The following TYR variants were observed in gnomAD, a reference collection of about 807,000 sequenced individuals.
The protein encoded by TYR is LB24-AB.
A neutral mutation model predicts 51.5 loss-of-function variants in TYR; 58 were observed. The observed-to-expected ratio is 1.13, with a 90% CI of 0.91 to 1.40. The LOEUF is 1.40. Among genes scored for constraint, TYR ranks in the 40% most tolerant of loss-of-function variants. The pLI is 0.00. For missense variants in TYR, 732 were observed against 647.4 expected, an observed-to-expected ratio of 1.13 and a Z score of -1.42; for synonymous variants, 263 against 235.2, an observed-to-expected ratio of 1.12 and a Z score of -1.08.
chr11:89,192,621 T>A (rs1032154734), intron 2 of TYR, among the ~76,000 whole-genome samples: 1 of 152,130 alleles, frequency 6.6e-6, no homozygotes, highest in African/African-American at 2.4e-5. Context: ...GGGTCTTACA[T>A]CCAGAATCAA....
At chr11:89,183,891 C>T (rs1943333284) in intron 1 of TYR, among the ~76,000 whole-genome samples, 1 of 152,022 alleles carries the variant, frequency 6.6e-6, no homozygotes, top group Admixed American at 6.6e-5. Context: ...TTACACTTGG[C>T]ACTATGCTAA....
At chr11:89,264,522 C>T (rs1944501175) in intron 3 of TYR, among the ~76,000 whole-genome samples, 1 of 151,450 alleles carries the variant, frequency 6.6e-6, no homozygotes, top group Non-Finnish European at 1.5e-5. Flanking sequence ...CTCTTGAAGA[C>T]CTAAAGATGG....
At chr11:89,187,076 A>T (rs1943384445) in intron 1 of TYR, among the ~76,000 whole-genome samples, 1 of 152,040 alleles carries the variant, frequency 6.6e-6, no homozygotes, top group Admixed American at 6.6e-5. Context: ...GAACTAATCT[A>T]CCCACCTACT....
chr11:89,210,646 A>G (rs888044688), intron 2 of TYR, among the ~76,000 whole-genome samples: 15 of 152,126 alleles, frequency 9.9e-5, no homozygotes, highest in African/African-American at 3.6e-4. Flanking sequence ...GAGAAGAGCA[A>G]CCCCAAGACA....
intron 3 of TYR, among the ~76,000 whole-genome samples, chr11:89,276,896 C>T (rs921749928): frequency 1.3e-5 from 2 of 151,728 alleles, no homozygotes; most frequent in African/African-American, 2.4e-5. Context: ...GTTGGTTGTA[C>T]CGTTAACTGT....
chr11:89,282,282 C>T (rs1340218748), intron 3 of TYR, among the ~76,000 whole-genome samples: 2 of 151,792 alleles, frequency 1.3e-5, no homozygotes, highest in African/African-American at 4.8e-5. Context: ...TAGTGGCTCA[C>T]TGTATATCAG....
intron 3 of TYR, among the ~76,000 whole-genome samples, chr11:89,263,007 T>G (rs1380874726): frequency 6.6e-6 from 1 of 151,780 alleles, no homozygotes; most frequent in Admixed American, 6.6e-5. Flanking sequence ...ACTTACTCTA[T>G]GGGGCCAGTA....
chr11:89,281,177 C>T (rs1944717617), intron 3 of TYR, among the ~76,000 whole-genome samples: 1 of 151,586 alleles, frequency 6.6e-6, no homozygotes, highest in Non-Finnish European at 1.5e-5. Flanking sequence ...TATTTATTTC[C>T]TTGAAACTCT....
intron 3 of TYR, among the ~76,000 whole-genome samples, chr11:89,280,216 G>A (rs1365706102): frequency 3.3e-5 from 5 of 151,536 alleles, no homozygotes; most frequent in Non-Finnish European, 7.4e-5. Flanking sequence ...CCGTTTCTTC[G>A]AGGAACCCCA....
At chr11:89,288,013 T>C (rs996529261) in intron 4 of TYR, among the ~76,000 whole-genome samples, 2 of 151,946 alleles carry the variant, frequency 1.3e-5, no homozygotes, top group African/African-American at 4.8e-5. Flanking sequence ...AATGGTAGTA[T>C]AATTCACTCA....
chr11:89,209,866 CT>C (rs1421827957), intron 2 of TYR, among the ~76,000 whole-genome samples: 1 of 152,174 alleles, frequency 6.6e-6, no homozygotes, highest in Non-Finnish European at 1.5e-5. Context: ...AGACCTGCAG[CT>C]CAGGGGCCTG....
intron 3 of TYR, among the ~76,000 whole-genome samples, chr11:89,268,438 T>G (rs1944551002): frequency 6.6e-6 from 1 of 151,888 alleles, no homozygotes; most frequent in African/African-American, 2.4e-5. Context: ...TAGTGAAGAA[T>G]AGTAGAACAA....
At chr11:89,248,644 A>G (rs1267008651) in intron 3 of TYR, among the ~76,000 whole-genome samples, 1 of 152,224 alleles carries the variant, frequency 6.6e-6, no homozygotes, top group African/African-American at 2.4e-5. Flanking sequence ...TAAGTACAGT[A>G]TAGAGGAAAG....
chr11:89,181,163 T>C (rs6482999), intron 1 of TYR, among the ~76,000 whole-genome samples: 75,502 of 151,722 alleles, frequency 0.5, 21,343 homozygotes, highest in African/African-American at 0.79. Flanking sequence ...TACAGGGGCC[T>C]GCCACCACTC....
rs758612817 is a variant in TYR, at chr11:89,178,473, G to A, written c.520G>A (p.Asp174Asn). Residue 174 changes from aspartate (D) to asparagine (N), a missense_variant, in exon 1 of 5, where the codon GAC (aspartate) becomes AAC (asparagine). Physicochemically the swap from Asp to Asn is conservative, Grantham distance 23. Transcript: ENST00000263321. ...CATGTTTAACGACATCAATATTTATGACCTCTTTGTCTGGATGCATTATTA... is the reference window on the plus strand; with the variant it reads ...CATGTTTAACGACATCAATATTTATAACCTCTTTGTCTGGATGCATTATTA... ...TPMFNDINIYDLFVWMHYYVS... is the reference protein window; with the variant it reads ...TPMFNDINIYNLFVWMHYYVS... The A allele has an allele frequency of 1.2e-5, 19 of 1,614,138 alleles. 1 individual carries two copies. The South Asian group carries it at 2.1e-4, about 18-fold the overall frequency.
At chr11:89,266,503 C>T (rs1944527488) in intron 3 of TYR, among the ~76,000 whole-genome samples, 1 of 151,852 alleles carries the variant, frequency 6.6e-6, no homozygotes, top group East Asian at 1.9e-4. Context: ...TGTATTGGTC[C>T]CCTGCCTCTA....
intron 1 of TYR, among the ~76,000 whole-genome samples, chr11:89,187,430 A>C (rs1943388670): frequency 6.6e-6 from 1 of 152,162 alleles, no homozygotes; most frequent in Non-Finnish European, 1.5e-5. Flanking sequence ...GCCTAATGCT[A>C]TCTTAACATG....
At chr11:89,273,972 A>T (rs1034526114) in intron 3 of TYR, among the ~76,000 whole-genome samples, 12 of 151,804 alleles carry the variant, frequency 7.9e-5, no homozygotes, top group Non-Finnish European at 1.5e-5. Context: ...CAACTTAATT[A>T]TCTCTTTAAA....
intron 2 of TYR, among the ~76,000 whole-genome samples, chr11:89,196,224 T>G (rs1330031645): frequency 6.6e-6 from 1 of 152,150 alleles, no homozygotes; most frequent in Non-Finnish European, 1.5e-5. Flanking sequence ...CTTAACAAAG[T>G]AAGTTTACAG....
Sources: allele counts gnomAD v4.1 joint callset (sites outside exome capture counted in the v4.1 genomes callset), GRCh38; gene constraint gnomAD v4.1.1; transcripts MANE v1.5; gene names NCBI Gene and HGNC (gene_info 2026-07-23, HGNC 2026-07-21).